The following MACF1 variants were observed in gnomAD, a reference collection of about 807,000 sequenced individuals.
MACF1 encodes microtubule actin crosslinking factor 1.
A neutral mutation model predicts 854.8 loss-of-function variants in MACF1; 193 were observed. That is an observed-to-expected ratio of 0.23 (90% CI 0.20 to 0.25). The LOEUF (loss-of-function observed/expected upper bound fraction) is 0.25. Ranked by LOEUF, MACF1 falls within the 10% of genes least tolerant of loss-of-function variation. MACF1 has a pLI of 1.00. For synonymous variants in MACF1, 3,185 were observed against 3,226.7 expected, an observed-to-expected ratio of 0.99 and a Z score of 0.44; for missense variants, 7,722 against 8,929.1, an observed-to-expected ratio of 0.86 and a Z score of 5.45.
At chr1:39,425,537 G>A (rs931131138) in intron 61 of MACF1, among the ~76,000 whole-genome samples, 1 of 152,246 alleles carries the variant, frequency 6.6e-6, no homozygotes. Context: ...ACCATTCAAA[G>A]CCCTCTATTT....
chr1:39,190,422 T>TTAC (rs1644240921), intron 2 of MACF1, among the ~76,000 whole-genome samples: 6 of 111,662 alleles, frequency 5.4e-5, no homozygotes, highest in Admixed American at 2.3e-4. Context: ...TTTTTTTTGA[T>TTAC]GGAATCTTGC....
At chr1:39,255,663 A>T (rs1488997486) in intron 5 of MACF1, among the ~76,000 whole-genome samples, 1 of 152,240 alleles carries the variant, frequency 6.6e-6, no homozygotes, top group Non-Finnish European at 1.5e-5. Flanking sequence ...GGGGAATAAG[A>T]TCTTAACATT....
chr1:39,193,791 G>GGAGA (rs147540075), intron 2 of MACF1, among the ~76,000 whole-genome samples: 21 of 149,074 alleles, frequency 1.4e-4, no homozygotes, highest in Admixed American at 9.4e-4. Flanking sequence ...AGAGAGAGAG[G>GGAGA]GAGAGAGAGA....
At chr1:39,128,315 G>A (rs780942354) in intron 2 of MACF1, among the ~76,000 whole-genome samples, 28 of 152,060 alleles carry the variant, frequency 1.8e-4, no homozygotes, top group Non-Finnish European at 3.2e-4. Context: ...TCAAACTCCT[G>A]GTCTTAAGCA....
intron 2 of MACF1, among the ~76,000 whole-genome samples, chr1:39,171,347 A>G (rs1167079782): frequency 6.6e-6 from 1 of 152,106 alleles, no homozygotes; most frequent in Non-Finnish European, 1.5e-5. Flanking sequence ...TACATTCACA[A>G]TATTGTACAA....
intron 58 of MACF1, among the ~76,000 whole-genome samples, chr1:39,399,922 C>T (rs1642412881): frequency 6.6e-6 from 1 of 152,124 alleles, no homozygotes; most frequent in Non-Finnish European, 1.5e-5. Flanking sequence ...TCTCATAAGC[C>T]ATGTGAGCTC....
At chr1:39,349,363 C>T in intron 41 of MACF1, 115 bp from the exon 42 acceptor site, 1 of 1,061,722 alleles carries the variant, frequency 9.4e-7, no homozygotes, top group Non-Finnish European at 1.4e-6. Flanking sequence ...TCTAGTCTCC[C>T]ACCAACTTTT....
chr1:39,335,363 G>A lies in MACF1; in HGVS notation c.8775G>A (p.Gln2925=). The A allele has an allele frequency of 1.9e-6, 3 of 1,613,766 alleles. No individual in the cohort carries two copies. The highest frequency in any genetic ancestry group is 1.3e-5 in the African/African-American group (1 of 75,036). ...TAGAAATTATTTCTCATATGAAGCA[G>A]TCTACCTCATGTCTAGATTCTGAAG... ...TKIEIISHMK[Q]STSCLDSEEI... is the part of the protein sequence containing the mutation. The change falls in exon 37 of 101, where the codon CAG becomes CAA. Residue 2925 remains glutamine (Q), a synonymous_variant. Transcript: ENST00000564288.
Position 39,090,048 on chromosome 1 carries a change from CT to C in MACF1, c.220+5614del, listed in dbSNP as rs200655123. Among the ~76,000 whole-genome samples, 4 of 152,318 alleles carry C rather than the reference CT, an allele frequency of 2.6e-5. No individual in the cohort carries two copies. In the East Asian group the frequency reaches 7.7e-4, roughly 29 times the overall value. On this transcript the variant is annotated intron_variant, in intron 2 of 93. Transcript: ENST00000361689. ...CCAAGCCTCTTATTTCTGTCCCCTT[CT>C]TTTGTTCTTTAGGCCTTTGTCAGGG...
At chr1:39,212,584 T>G (rs1644529466) in intron 1 of MACF1, among the ~76,000 whole-genome samples, 1 of 152,202 alleles carries the variant, frequency 6.6e-6, no homozygotes, top group Non-Finnish European at 1.5e-5. Context: ...ATGTGTTCAT[T>G]TTGGATGTGT....
intron 2 of MACF1, among the ~76,000 whole-genome samples, chr1:39,098,078 T>C (rs1422801754): frequency 6.6e-6 from 1 of 152,210 alleles, no homozygotes; most frequent in African/African-American, 2.4e-5. Context: ...GACCCTGTCC[T>C]GCCTCAGAGC....
Position 39,283,384 on chromosome 1 carries a change from A to G in MACF1, c.809-25A>G, listed in dbSNP as rs1186102646. On this transcript the variant is annotated intron_variant, in intron 8 of 100. Transcript: ENST00000564288. This position sits in a 1 kb window ranked among gnomAD's most constrained non-coding sequence, Gnocchi z 4.5. ...GGCAAGTTCCTTTGTTCTGACTAAG[A>G]AATTTCTTGTCCATTCTCTCTCAGA... The G allele has an allele frequency of 6.3e-7, 1 of 1,591,940 alleles. No homozygotes were observed. The highest frequency in any genetic ancestry group is 8.6e-7 in the Non-Finnish European group (1 of 1,159,838).
chr1:39,454,370 G>A (rs1644395255), intron 88 of MACF1, among the ~76,000 whole-genome samples: 1 of 152,188 alleles, frequency 6.6e-6, no homozygotes, highest in Non-Finnish European at 1.5e-5. Context: ...ACTGGGACCA[G>A]TCCCCCATGG....
chr1:39,453,890 A>G (rs1570137982), intron 88 of MACF1, 40 bp downstream of exon 88: 4 of 1,611,486 alleles, frequency 2.5e-6, no homozygotes, highest in Non-Finnish European at 2.5e-6. Flanking sequence ...CACGCCCAGT[A>G]AACTATCACT....
chr1:39,300,283 A>G lies in MACF1; in HGVS notation c.2555A>G (p.Gln852Arg), dbSNP rs1646012447. The G allele has an allele frequency of 6.2e-7, 1 of 1,614,002 alleles. No individual in the cohort carries two copies. Among genetic ancestry groups the G allele is most frequent in the Non-Finnish European group, 8.5e-7 (1 of 1,180,040 alleles). The change falls in exon 22 of 101, where the codon CAG (glutamine) becomes CGG (arginine). Residue 852 changes from glutamine to arginine, a missense_variant. By Grantham distance (43) the Gln-to-Arg change is conservative. This residue lies in a region of MACF1 where 1,137 missense variants were observed against 1,263.0 expected (regional missense o/e 0.90). Coordinates refer to ENST00000564288, the MANE Select transcript of MACF1 (RefSeq NM_001394062.1). ...SLVGRSKTIV[Q>R]LKPRSPDHVL... is the part of the protein sequence containing the mutation. ...GTTGGGAGATCAAAAACCATCGTTC[A>G]GCTAAAACCACGCAGTCCAGACCAT...
chr1:39,314,928 C>T (rs1364090630), intron 26 of MACF1, among the ~76,000 whole-genome samples: 1 of 152,154 alleles, frequency 6.6e-6, no homozygotes, highest in East Asian at 1.9e-4. Flanking sequence ...CTTTCTTCCC[C>T]TTCAGTGTGA....
intron 64 of MACF1, 52 bp downstream of exon 64, chr1:39,429,378 T>G (rs758952644): frequency 1.9e-6 from 2 of 1,034,268 alleles, no homozygotes; most frequent in Non-Finnish European, 3.0e-6. Flanking sequence ...AAGACAATTA[T>G]GTACCCAAGG....
At chr1:39,188,154 C>G (rs1644202731) in intron 2 of MACF1, among the ~76,000 whole-genome samples, 1 of 151,998 alleles carries the variant, frequency 6.6e-6, no homozygotes, top group African/African-American at 2.4e-5. Flanking sequence ...GACTTGGGCC[C>G]TGGCCAGGCA....
At chr1:39,413,710 G>A (rs1357452362) in intron 58 of MACF1, 2 of 1,603,928 alleles carry the variant, frequency 1.2e-6, no homozygotes, top group East Asian at 4.5e-5. Flanking sequence ...CCCAGCTCCT[G>A]CAGTGCCCAC....
Sources: gnomAD v4.1 joint callset for allele counts (sites outside exome capture counted in the v4.1 genomes callset) on GRCh38, gnomAD v4.1.1 for gene constraint, gnomAD v4.1.1 regional missense constraint, Gnocchi (gnomAD v3.1) non-coding constraint, MANE v1.5 for transcripts, NCBI Gene and HGNC (gene_info 2026-07-23, HGNC 2026-07-21) for gene names.